Variants in DOCK9 observed in about 807,000 individuals in gnomAD.
DOCK9 encodes the protein dedicator of cytokinesis protein 9.
DOCK9 carries 89 observed loss-of-function variants against 263.3 expected under a neutral mutation model. The observed-to-expected ratio is 0.34, with a 90% confidence interval of 0.28 to 0.40. The LOEUF (loss-of-function observed/expected upper bound fraction) is 0.40. Ranked by LOEUF, DOCK9 falls within the 10% of genes least tolerant of loss-of-function variation. DOCK9 has a pLI of 1.00. For synonymous variants in DOCK9, 976 were observed against 973.1 expected (o/e 1.00, Z -0.06); for missense variants, 2,140 against 2,603.4 (o/e 0.82, Z 3.87).
At chr13:99,031,820 G>T (rs997895111) in intron 1 of DOCK9, among the ~76,000 whole-genome samples, 1 of 152,176 alleles carries the variant, frequency 6.6e-6, no homozygotes, top group African/African-American at 2.4e-5. Flanking sequence ...TATTCCTAAT[G>T]TTCCTGATGA....
intron 1 of DOCK9, among the ~76,000 whole-genome samples, chr13:99,053,649 G>A (rs766396327): frequency 4.6e-5 from 7 of 152,118 alleles, no homozygotes; most frequent in African/African-American, 7.2e-5. Context: ...AATTAAAACC[G>A]GGAACCAGGT....
chr13:98,911,156 T>C (rs183255077), intron 9 of DOCK9, among the ~76,000 whole-genome samples: 1 of 152,330 alleles, frequency 6.6e-6, no homozygotes, highest in Non-Finnish European at 1.5e-5. Flanking sequence ...CTCATCTCCA[T>C]TTTCTTCATT....
chr13:99,017,370 C>G (rs1322466712), intron 1 of DOCK9, among the ~76,000 whole-genome samples: 1 of 151,998 alleles, frequency 6.6e-6, no homozygotes, highest in Admixed American at 6.6e-5. Flanking sequence ...TAACCTGACT[C>G]CTATACAGCA....
intron 1 of DOCK9, among the ~76,000 whole-genome samples, chr13:99,072,753 C>T (rs532874522): frequency 3.9e-5 from 6 of 152,090 alleles, no homozygotes; most frequent in Admixed American, 3.9e-4. Flanking sequence ...GTAATCCTGG[C>T]ACTTGGGACG....
At chr13:98,853,340 T>G (rs1566722397) in intron 35 of DOCK9, 68 bp downstream of exon 35, 1 of 974,404 alleles carries the variant, frequency 1.0e-6, no homozygotes. Flanking sequence ...TTCAACTTAT[T>G]ACAAGTTAAA....
intron 1 of DOCK9, among the ~76,000 whole-genome samples, chr13:99,018,966 A>G (rs941728657): frequency 3.3e-5 from 5 of 152,146 alleles, no homozygotes; most frequent in African/African-American, 1.2e-4. Flanking sequence ...CTCTCCTACC[A>G]TCTCACCCTC....
At chr13:99,060,822 G>T (rs996217356) in intron 1 of DOCK9, among the ~76,000 whole-genome samples, 1 of 152,132 alleles carries the variant, frequency 6.6e-6, no homozygotes, top group African/African-American at 2.4e-5. Context: ...AGACTGTAAG[G>T]TCTGCAAGGT....
intron 1 of DOCK9, among the ~76,000 whole-genome samples, chr13:99,022,780 A>AC (rs1284007108): frequency 6.6e-6 from 1 of 152,104 alleles, no homozygotes; most frequent in Non-Finnish European, 1.5e-5. Flanking sequence ...CCAGTCTATA[A>AC]AAAAAAGAAA....
At position 98,955,520 on chromosome 13, in the gene DOCK9, T is replaced by A; in HGVS notation, c.158A>T (p.Tyr53Phe). Residue 53 changes from tyrosine (Y) to phenylalanine (F), a missense_variant, in exon 2 of 53, where the codon TAT becomes TTT. This residue lies in a region of DOCK9 where 1,521 missense variants were observed against 1,741.7 expected (regional missense o/e 0.87). Coordinates refer to ENST00000682017, the MANE Select transcript of DOCK9 (RefSeq NM_001366683.2). ...AKPKLIEPLD[Y>F]ENVIVQKKTQ... ...CTTCTTCTGGACGATGACATTTTCA[T>A]AGTCGAGTGGCTCAATTAGCTTTGG... 1 of 1,595,998 alleles carries A rather than the reference T, an allele frequency of 6.3e-7. No homozygotes were observed. Among genetic ancestry groups the A allele is most frequent in the Non-Finnish European group, 8.5e-7 (1 of 1,170,050 alleles).
intron 20 of DOCK9, 183 bp downstream of exon 20, chr13:98,885,525 A>G: frequency 1.8e-6 from 1 of 544,630 alleles, no homozygotes; most frequent in East Asian, 3.6e-5. Flanking sequence ...GGACAGCTTG[A>G]GCTCAAAAAT....
chr13:98,891,087 A>C (rs1447738840), intron 15 of DOCK9, among the ~76,000 whole-genome samples: 1 of 152,022 alleles, frequency 6.6e-6, no homozygotes, highest in African/African-American at 2.4e-5. Flanking sequence ...TCACACACAC[A>C]AGATCCTTTC....
At chr13:98,819,064 A>G (rs549937462) in intron 45 of DOCK9, among the ~76,000 whole-genome samples, 1 of 152,374 alleles carries the variant, frequency 6.6e-6, no homozygotes, top group East Asian at 1.9e-4. Flanking sequence ...AGCATAATGC[A>G]CATTTCTACT....
intron 43 of DOCK9, among the ~76,000 whole-genome samples, chr13:98,827,732 T>G (rs146164653): frequency 1.6e-3 from 242 of 152,312 alleles, no homozygotes; most frequent in African/African-American, 5.5e-3. Flanking sequence ...GCCTCCCACG[T>G]GTGTCCCTCT....
At chr13:98,885,865 C>T in intron 19 of DOCK9, 34 bp from the exon 20 acceptor site, 1 of 1,578,826 alleles carries the variant, frequency 6.3e-7, no homozygotes, top group Non-Finnish European at 8.6e-7. Context: ...ACAAAATATT[C>T]TAAAAACACA....
chr13:99,070,110 T>C (rs942217897), intron 1 of DOCK9, among the ~76,000 whole-genome samples: 6 of 152,174 alleles, frequency 3.9e-5, no homozygotes, highest in Non-Finnish European at 8.8e-5. Context: ...AATGCAGGGC[T>C]CTTAACTGTT....
chr13:98,924,069 A>T (rs2052523789), intron 4 of DOCK9, among the ~76,000 whole-genome samples: 1 of 152,230 alleles, frequency 6.6e-6, no homozygotes. Flanking sequence ...ACGACATGAC[A>T]TAGTCTGATA....
At chr13:98,905,380 G>A (rs962912369) in intron 9 of DOCK9, among the ~76,000 whole-genome samples, 3 of 152,204 alleles carry the variant, frequency 2.0e-5, no homozygotes, top group African/African-American at 4.8e-5. Context: ...GAAGACAAGA[G>A]AAAGTTTAAA....
chr13:99,055,018 A>G (rs962141838), intron 1 of DOCK9, among the ~76,000 whole-genome samples: 3 of 152,234 alleles, frequency 2.0e-5, no homozygotes, highest in Admixed American at 6.5e-5. Flanking sequence ...TGAAGCAGGG[A>G]AAGAATTGCC....
At chr13:98,969,223 A>T (rs1288170880) in intron 1 of DOCK9, among the ~76,000 whole-genome samples, 1 of 152,206 alleles carries the variant, frequency 6.6e-6, no homozygotes, top group Non-Finnish European at 1.5e-5. Context: ...AGGAGAGTAA[A>T]GGGGCACAAT....
Sources: allele counts gnomAD v4.1 joint callset (sites outside exome capture counted in the v4.1 genomes callset), GRCh38; gene constraint gnomAD v4.1.1; regional missense constraint gnomAD v4.1.1; transcripts MANE v1.5; gene names NCBI Gene and HGNC (gene_info 2026-07-23, HGNC 2026-07-21).